LRRC4C: variants seen among roughly 807,000 people sequenced by gnomAD.
LRRC4C encodes leucine-rich repeat-containing protein 4C.
LRRC4C carries 5 observed loss-of-function variants against 33.6 expected under a neutral mutation model. The observed-to-expected ratio is 0.15, with a 90% CI of 0.08 to 0.31. LRRC4C has a LOEUF of 0.31. LRRC4C is among the 10% of genes least tolerant of loss of function. The pLI is 1.00. For missense variants in LRRC4C, 560 were observed against 796.7 expected (o/e 0.70, Z 3.58); for synonymous variants, 329 against 302.0 (o/e 1.09, Z -0.93).
intron 3 of LRRC4C, among the ~76,000 whole-genome samples, chr11:40,618,291 A>C (rs1962070940): frequency 2.6e-5 from 4 of 151,618 alleles, no homozygotes; most frequent in Non-Finnish European, 5.9e-5. Context: ...ATGATGATGG[A>C]GGCAGAGACT....
chr11:41,215,967 A>G (rs1284468561), intron 1 of LRRC4C, among the ~76,000 whole-genome samples: 1 of 152,146 alleles, frequency 6.6e-6, no homozygotes, highest in Admixed American at 6.5e-5. Context: ...TCTCAAGCCT[A>G]CCTCGTATGC....
intron 3 of LRRC4C, among the ~76,000 whole-genome samples, chr11:40,375,245 C>T (rs1364233602): frequency 6.6e-6 from 1 of 152,144 alleles, no homozygotes; most frequent in East Asian, 1.9e-4. Context: ...ATATCCTTTC[C>T]TCAACAGCGG....
intron 1 of LRRC4C, among the ~76,000 whole-genome samples, chr11:41,066,246 C>G (rs1259015471): frequency 1.3e-5 from 2 of 152,128 alleles, no homozygotes; most frequent in African/African-American, 4.8e-5. Context: ...GTGAAAAACA[C>G]AGCATGAGAA....
rs781100042 is a variant in LRRC4C at position 40,884,525 on chromosome 11, C to T, written c.-407+49110G>A. 9.2e-5 allele frequency among the ~76,000 whole-genome samples: 14 copies of T among 152,150 alleles called. No homozygotes were observed. In the Middle Eastern group the frequency reaches 0.01, roughly 111 times the overall value. On this transcript the variant is annotated intron_variant, in intron 2 of 6. Transcript: ENST00000528697. The stretch of plus-strand genomic sequence containing the variant: ...CAATGATTAAACGAATTTACACTCC[C>T]ACCAACAGTGTAAAAGCATTGATGC...
At chr11:41,283,640 C>A (rs1228886572) in intron 1 of LRRC4C, among the ~76,000 whole-genome samples, 1 of 152,174 alleles carries the variant, frequency 6.6e-6, no homozygotes, top group Non-Finnish European at 1.5e-5. Flanking sequence ...TACATCTTGT[C>A]AATAGCCACT....
chr11:40,788,758 G>T (rs1950512288), intron 2 of LRRC4C, among the ~76,000 whole-genome samples: 1 of 151,920 alleles, frequency 6.6e-6, no homozygotes, highest in Non-Finnish European at 1.5e-5. Context: ...CACCTATTGG[G>T]ATACAAAAAG....
At chr11:41,166,877 A>T (rs1453307094) in intron 1 of LRRC4C, among the ~76,000 whole-genome samples, 1 of 152,160 alleles carries the variant, frequency 6.6e-6, no homozygotes, top group Non-Finnish European at 1.5e-5. Context: ...ATGGCAATTC[A>T]TCTCTAACAA....
At chr11:40,206,909 A>G (rs1863199613) in intron 5 of LRRC4C, among the ~76,000 whole-genome samples, 1 of 152,144 alleles carries the variant, frequency 6.6e-6, no homozygotes, top group Non-Finnish European at 1.5e-5. Context: ...TAGGCAATAG[A>G]TAAGAGGCAT....
At position 40,305,307 on chromosome 11, in the gene LRRC4C, T is replaced by C. The variant is rs139686440; in HGVS notation, c.-176+14321A>G. ...ATGTCTGTTTTTATGAATGGAGTTGTCTACCTCTGCTGAAATGTGTTGTCC... is the reference window on the plus strand; with the variant it reads ...ATGTCTGTTTTTATGAATGGAGTTGCCTACCTCTGCTGAAATGTGTTGTCC... On this transcript the variant is annotated intron_variant, in intron 4 of 6. Transcript: ENST00000528697. Among the ~76,000 whole-genome samples the C allele has an allele frequency of 2.9e-3, 444 of 152,350 alleles. 4 individuals carry two copies. The highest frequency in any genetic ancestry group is 0.01 in the African/African-American group (420 of 41,590).
intron 1 of LRRC4C, among the ~76,000 whole-genome samples, chr11:41,254,843 G>T (rs902037722): frequency 6.6e-6 from 1 of 151,900 alleles, no homozygotes; most frequent in Non-Finnish European, 1.5e-5. Context: ...TTGCTTCAGT[G>T]GACTGTGGTT....
At chr11:40,457,372 A>G (rs1399635690) in intron 3 of LRRC4C, among the ~76,000 whole-genome samples, 4 of 152,158 alleles carry the variant, frequency 2.6e-5, no homozygotes, top group African/African-American at 9.6e-5. Flanking sequence ...ATGAAGGTGT[A>G]TGTATCTATT....
At chr11:40,833,003 T>C (rs181723781) in intron 2 of LRRC4C, among the ~76,000 whole-genome samples, 1 of 152,308 alleles carries the variant, frequency 6.6e-6, no homozygotes, top group East Asian at 1.9e-4. Flanking sequence ...TCTTGTAAAA[T>C]GCTATCATAT....
intron 4 of LRRC4C, among the ~76,000 whole-genome samples, chr11:40,275,938 AAAT>A (rs1943070123): frequency 6.6e-6 from 1 of 152,188 alleles, no homozygotes; most frequent in Non-Finnish European, 1.5e-5. Context: ...AAGCACAAAC[AAAT>A]AATAAGCACA....
At chr11:40,558,363 G>A (rs947565027) in intron 3 of LRRC4C, among the ~76,000 whole-genome samples, 1 of 152,136 alleles carries the variant, frequency 6.6e-6, no homozygotes, top group African/African-American at 2.4e-5. Flanking sequence ...CAGTAATTCT[G>A]AAAGTGTGTT....
At chr11:40,813,796 T>G (rs904627485) in intron 2 of LRRC4C, among the ~76,000 whole-genome samples, 2 of 152,132 alleles carry the variant, frequency 1.3e-5, no homozygotes, top group African/African-American at 4.8e-5. Flanking sequence ...ACGAAGGGGC[T>G]ACTGGCCCCA....
intron 1 of LRRC4C, among the ~76,000 whole-genome samples, chr11:41,442,107 T>C (rs1955639064): frequency 1.3e-5 from 2 of 152,318 alleles, no homozygotes; most frequent in South Asian, 4.1e-4. Flanking sequence ...AATTTATTCA[T>C]ATGTTTCTTT....
Position 40,984,367 on chromosome 11 carries a change from GAAAGA to G in LRRC4C, c.-495-50649_-495-50645del, listed in dbSNP as rs1565270564. ...GTAGGAAAGAGAAAGAAAGAAAAAAGAAAGAAAGAAAGAAAGAAAGAAAGAAAGAA... is the reference window on the plus strand; with the variant it reads ...GTAGGAAAGAGAAAGAAAGAAAAAAGAAGAAAGAAAGAAAGAAAGAAAGAA... On this transcript the variant is annotated intron_variant, in intron 1 of 6. Transcript: ENST00000528697. Among the ~76,000 whole-genome samples, 512 of 96,510 alleles carry G rather than the reference GAAAGA, an allele frequency of 5.3e-3. 1 individual carries two copies. The highest frequency in any genetic ancestry group is 0.027 in the Middle Eastern group (6 of 222). The allele number at this position is 96,510 out of a possible 152,430, so 63.3% of individuals were successfully genotyped here.
chr11:40,498,731 T>C (rs1228843989), intron 3 of LRRC4C, among the ~76,000 whole-genome samples: 9 of 152,226 alleles, frequency 5.9e-5, no homozygotes, highest in Non-Finnish European at 7.3e-5. Flanking sequence ...ACAATGATTA[T>C]GTCTTAGATG....
At chr11:40,774,732 T>G (rs1023206330) in intron 2 of LRRC4C, among the ~76,000 whole-genome samples, 4 of 152,122 alleles carry the variant, frequency 2.6e-5, no homozygotes, top group African/African-American at 9.7e-5. Flanking sequence ...TTTAAAAGAC[T>G]ATTGATGTGC....
Sources: allele counts gnomAD v4.1 joint callset (sites outside exome capture counted in the v4.1 genomes callset), GRCh38; gene constraint gnomAD v4.1.1; transcripts MANE v1.5; gene names NCBI Gene and HGNC (gene_info 2026-07-23, HGNC 2026-07-21).